DTNA: variants seen among roughly 807,000 people sequenced by gnomAD.
The protein encoded by DTNA is dystrobrevin alpha, also known as dystrophin-related protein 3.
DTNA carries 43 observed loss-of-function variants against 100.7 expected under a neutral mutation model. That is an observed-to-expected ratio of 0.43 (90% confidence interval 0.33 to 0.55). The LOEUF is 0.55. DTNA is among the 20% of genes least tolerant of loss of function. DTNA has a pLI of 0.04. For missense variants in DTNA, 798 were observed against 953.9 expected (o/e 0.84, Z 2.15); for synonymous variants, 349 against 347.9 (o/e 1.00, Z -0.04).
intron 3 of DTNA, among the ~76,000 whole-genome samples, chr18:34,769,558 T>G (rs2093653392): frequency 6.6e-6 from 1 of 151,936 alleles, no homozygotes; most frequent in South Asian, 2.1e-4. Flanking sequence ...TACCATAAAC[T>G]GGGTGGCTTA....
chr18:34,605,355 T>A (rs1338135450), intron 1 of DTNA, among the ~76,000 whole-genome samples: 1 of 152,176 alleles, frequency 6.6e-6, no homozygotes, highest in Non-Finnish European at 1.5e-5. Context: ...TTGAGCTTTT[T>A]AAACAAGCTT....
rs558926942 is a variant in DTNA, at chr18:34,558,323, C to T, written c.-2+64809C>T. Among the ~76,000 whole-genome samples the T allele has an allele frequency of 4.6e-5, 7 of 152,288 alleles. No homozygotes were observed. In the South Asian group the frequency reaches 1.5e-3, roughly 32 times the overall value. The stretch of plus-strand genomic sequence containing the variant: ...CTCAGATGGAAATGCAGAAATCACC[C>T]GTCTTCTGCGTCGCTCACCCTGGGA... On this transcript the variant is annotated intron_variant, in intron 1 of 19. Transcript: ENST00000283365.
At chr18:34,805,798 A>C (rs2095346667) in intron 4 of DTNA, among the ~76,000 whole-genome samples, 2 of 152,150 alleles carry the variant, frequency 1.3e-5, no homozygotes, top group African/African-American at 4.8e-5. Flanking sequence ...AAAAAAAAAA[A>C]AATGATGTTT....
intron 1 of DTNA, among the ~76,000 whole-genome samples, chr18:34,514,268 T>C (rs1447773642): frequency 6.6e-6 from 1 of 152,102 alleles, no homozygotes; most frequent in Admixed American, 6.6e-5. Flanking sequence ...AAAACAGTAG[T>C]TCAAGCTTTT....
intron 1 of DTNA, among the ~76,000 whole-genome samples, chr18:34,537,329 C>T (rs188837420): frequency 2.4e-4 from 36 of 151,874 alleles, no homozygotes; most frequent in Non-Finnish European, 4.0e-4. Context: ...ATATAGCAAA[C>T]GTAACAATCT....
intron 10 of DTNA, chr18:34,829,198 C>G: frequency 6.3e-7 from 1 of 1,583,510 alleles, no homozygotes; most frequent in Non-Finnish European, 8.6e-7. Context: ...CATTTTCAGT[C>G]ATTTTGGAAT....
intron 3 of DTNA, among the ~76,000 whole-genome samples, chr18:34,780,697 A>T: frequency 6.6e-6 from 1 of 152,284 alleles, no homozygotes; most frequent in East Asian, 1.9e-4. Context: ...CCAGGAATAG[A>T]CAGAGACTTT....
intron 1 of DTNA, among the ~76,000 whole-genome samples, chr18:34,502,824 A>G (rs544532169): frequency 6.6e-6 from 1 of 152,322 alleles, no homozygotes; most frequent in East Asian, 1.9e-4. Flanking sequence ...AAAAGAATGT[A>G]TATTTGGCTG....
intron 4 of DTNA, among the ~76,000 whole-genome samples, chr18:34,805,671 G>A (rs1162158422): frequency 1.3e-5 from 2 of 151,748 alleles, no homozygotes; most frequent in African/African-American, 4.8e-5. Context: ...TCTTTGAAAA[G>A]TAAATATATC....
intron 1 of DTNA, among the ~76,000 whole-genome samples, chr18:34,748,732 G>A (rs1186631798): frequency 6.6e-6 from 1 of 152,178 alleles, no homozygotes; most frequent in East Asian, 1.9e-4. Flanking sequence ...TTTGAGGTCG[G>A]GTAATGTGAT....
chr18:34,845,972 A>G (rs921926599), intron 13 of DTNA, among the ~76,000 whole-genome samples: 1 of 152,186 alleles, frequency 6.6e-6, no homozygotes, highest in Non-Finnish European at 1.5e-5. Context: ...CACATGCTGT[A>G]TGGGTATCTG....
intron 1 of DTNA, among the ~76,000 whole-genome samples, chr18:34,514,482 C>T (rs1298688056): frequency 6.6e-6 from 1 of 152,248 alleles, no homozygotes; most frequent in Admixed American, 6.5e-5. Flanking sequence ...TGGTGAATCA[C>T]AGTGACTTTA....
intron 1 of DTNA, among the ~76,000 whole-genome samples, chr18:34,554,486 A>T (rs1315493224): frequency 6.7e-6 from 1 of 150,334 alleles, no homozygotes; most frequent in Non-Finnish European, 1.5e-5. Context: ...GTTTTTGCCC[A>T]TTTAGTATGA....
intron 1 of DTNA, among the ~76,000 whole-genome samples, chr18:34,639,754 C>T (rs77824127): frequency 1.3e-5 from 2 of 152,260 alleles, no homozygotes; most frequent in African/African-American, 4.8e-5. Context: ...GAATTGGTGG[C>T]AGTGTTTTTG....
intron 15 of DTNA, among the ~76,000 whole-genome samples, chr18:34,852,502 C>G (rs1454631076): frequency 6.6e-6 from 1 of 152,216 alleles, no homozygotes; most frequent in South Asian, 2.1e-4. Context: ...CACCACCACC[C>G]AGTTCAGCCT....
chr18:34,659,150 T>C (rs2074811654), intron 1 of DTNA, among the ~76,000 whole-genome samples: 2 of 152,148 alleles, frequency 1.3e-5, no homozygotes, highest in African/African-American at 4.8e-5. Flanking sequence ...AATATCTTCC[T>C]TTAAAATAGT....
chr18:34,677,995 T>G (rs1406539657), intron 1 of DTNA, among the ~76,000 whole-genome samples: 1 of 152,184 alleles, frequency 6.6e-6, no homozygotes, highest in Non-Finnish European at 1.5e-5. Context: ...CTCAGGAAAC[T>G]TACAGTCGTG....
chr18:34,804,838 A>G (rs182647454), intron 4 of DTNA, among the ~76,000 whole-genome samples: 268 of 152,286 alleles, frequency 1.8e-3, no homozygotes, highest in Middle Eastern at 0.01. Flanking sequence ...GGTTCAGTCA[A>G]TTTTGCATTC....
chr18:34,719,343 C>G (rs1600762592), intron 1 of DTNA, among the ~76,000 whole-genome samples: 2 of 150,750 alleles, frequency 1.3e-5, no homozygotes, highest in South Asian at 4.2e-4. Flanking sequence ...GACTTCATCT[C>G]AAAAAATAAA....
Sources: allele counts gnomAD v4.1 joint callset (sites outside exome capture counted in the v4.1 genomes callset), GRCh38; gene constraint gnomAD v4.1.1; transcripts MANE v1.5; gene names NCBI Gene and HGNC (gene_info 2026-07-23, HGNC 2026-07-21).